MAF: variants seen among roughly 807,000 people sequenced by gnomAD.
The protein encoded by MAF is MAF bZIP transcription factor, also known as transcription factor Maf.
MAF carries 10 observed loss-of-function variants against 22.0 expected under a neutral mutation model. The ratio of observed to expected loss-of-function variants is 0.45; its 90% CI spans 0.28 to 0.77. The LOEUF (loss-of-function observed/expected upper bound fraction) is 0.77. Among genes scored for constraint, MAF ranks in the 30% least tolerant of loss-of-function variants. The probability of loss-of-function intolerance (pLI) is 0.12; values close to 1 mark genes in which losing one functional copy is unlikely to be tolerated. For missense variants in MAF, 544 were observed against 548.4 expected (o/e 0.99, Z 0.08); for synonymous variants, 337 against 255.8 (o/e 1.32, Z -3.03).
At chr16:79,493,283 A>T in the MAF span, among the ~76,000 whole-genome samples, 3 of 152,094 alleles carry the variant, frequency 2.0e-5, no homozygotes, top group Non-Finnish European at 4.4e-5. Flanking sequence ...CCTGGGTTGA[A>T]GCAATTCTGG....
chr16:79,439,062 A>G, the MAF span, among the ~76,000 whole-genome samples: 1 of 152,078 alleles, frequency 6.6e-6, no homozygotes, highest in Non-Finnish European at 1.5e-5. Flanking sequence ...CCCTAGCTCC[A>G]AGAGGCAGAG....
At chr16:79,353,120 A>C in the MAF span, among the ~76,000 whole-genome samples, 14 of 144,928 alleles carry the variant, frequency 9.7e-5, no homozygotes, top group Non-Finnish European at 2.1e-4. Flanking sequence ...CAAACTCACC[A>C]GGAATTTTTT....
chr16:79,520,444 C>A, the MAF span, among the ~76,000 whole-genome samples: 1 of 152,160 alleles, frequency 6.6e-6, no homozygotes, highest in Admixed American at 6.5e-5. Context: ...ACCTCATTCC[C>A]CACACCCTAG....
the MAF span, among the ~76,000 whole-genome samples, chr16:79,383,883 T>G: frequency 6.6e-6 from 1 of 152,220 alleles, no homozygotes; most frequent in African/African-American, 2.4e-5. Context: ...TAGATACATT[T>G]GTCAAGTCCT....
chr16:79,587,393 A>G (rs540225122), intron 1 of MAF, among the ~76,000 whole-genome samples: 12 of 152,022 alleles, frequency 7.9e-5, no homozygotes, highest in African/African-American at 2.9e-4. Context: ...TCAGATGGCT[A>G]ATCTCTTTAA....
the MAF span, among the ~76,000 whole-genome samples, chr16:79,264,076 G>A: frequency 6.6e-6 from 1 of 152,186 alleles, no homozygotes; most frequent in East Asian, 1.9e-4. Flanking sequence ...CAGGGGAATG[G>A]AAAACAGTCC....
chr16:79,281,609 C>T, the MAF span, among the ~76,000 whole-genome samples: 3 of 139,048 alleles, frequency 2.2e-5, no homozygotes, highest in East Asian at 2.2e-4. Context: ...AGTGCAGTGG[C>T]GCCATCTCGG....
At chr16:79,256,021 T>A in the MAF span, among the ~76,000 whole-genome samples, 1 of 148,442 alleles carries the variant, frequency 6.7e-6, no homozygotes, top group South Asian at 2.2e-4. Flanking sequence ...CTTGCTGTAT[T>A]GCCAGGCTGG....
At chr16:79,362,362 G>C in the MAF span, among the ~76,000 whole-genome samples, 1 of 152,128 alleles carries the variant, frequency 6.6e-6, no homozygotes, top group Admixed American at 6.6e-5. Flanking sequence ...CAGATGCCTT[G>C]AATATACGAG....
chr16:79,214,735 C>T, the MAF span, among the ~76,000 whole-genome samples: 5 of 62,164 alleles, frequency 8.0e-5, no homozygotes, highest in East Asian at 1.5e-3. Flanking sequence ...TTTTTTGAGA[C>T]AGAATCTCAC....
At chr16:79,523,730 G>C in the MAF span, among the ~76,000 whole-genome samples, 1 of 152,194 alleles carries the variant, frequency 6.6e-6, no homozygotes, top group Admixed American at 6.5e-5. Context: ...CTGAGATGCA[G>C]AGATTAAATA....
the MAF span, among the ~76,000 whole-genome samples, chr16:79,333,063 G>C: frequency 6.6e-6 from 1 of 152,240 alleles, no homozygotes; most frequent in Non-Finnish European, 1.5e-5. Context: ...ATAGCCTGAA[G>C]AGAGTCAGCA....
At chr16:79,515,466 C>A in the MAF span, among the ~76,000 whole-genome samples, 127,134 of 152,040 alleles carry the variant, frequency 0.84, 53,437 homozygotes, top group East Asian at 0.92. Flanking sequence ...TATTACAAAA[C>A]AGACTTTGCG....
At chr16:79,557,004 G>C in the MAF span, among the ~76,000 whole-genome samples, 7 of 148,778 alleles carry the variant, frequency 4.7e-5, no homozygotes, top group Non-Finnish European at 8.9e-5. Flanking sequence ...AAAATCAAGA[G>C]ACAGGGGCTT....
chr16:79,512,515 G>A, the MAF span, among the ~76,000 whole-genome samples: 1 of 152,144 alleles, frequency 6.6e-6, no homozygotes, highest in East Asian at 1.9e-4. Flanking sequence ...CCTATTAGGG[G>A]AGAAATGGCG....
chr16:79,281,301 G>T, the MAF span, among the ~76,000 whole-genome samples: 8 of 151,734 alleles, frequency 5.3e-5, no homozygotes, highest in East Asian at 1.2e-3. Flanking sequence ...AAAGTCTAGG[G>T]GGATGATCGT....
chr16:79,434,048 T>C, the MAF span, among the ~76,000 whole-genome samples: 1 of 152,306 alleles, frequency 6.6e-6, no homozygotes, highest in African/African-American at 2.4e-5. Flanking sequence ...GTGACTGTTC[T>C]CCCCGTTGCA....
At chr16:79,502,068 A>T in the MAF span, among the ~76,000 whole-genome samples, 5 of 152,094 alleles carry the variant, frequency 3.3e-5, no homozygotes, top group Non-Finnish European at 7.3e-5. Flanking sequence ...AATTTTCACC[A>T]CCGCTGCAAT....
At chr16:79,225,398 C>G in the MAF span, among the ~76,000 whole-genome samples, 1 of 152,136 alleles carries the variant, frequency 6.6e-6, no homozygotes, top group Non-Finnish European at 1.5e-5. Flanking sequence ...AGACCTAAAA[C>G]CATAAAAACC....
Sources: allele counts gnomAD v4.1 joint callset (sites outside exome capture counted in the v4.1 genomes callset), GRCh38; gene constraint gnomAD v4.1.1; transcripts MANE v1.5; gene names NCBI Gene and HGNC (gene_info 2026-07-23, HGNC 2026-07-21).